CTNNA2: variants seen among roughly 807,000 people sequenced by gnomAD.
The protein encoded by CTNNA2 is catenin alpha-2.
A neutral mutation model predicts 101.0 loss-of-function variants in CTNNA2; 42 were observed. The observed-to-expected ratio is 0.42, with a 90% CI of 0.32 to 0.54. The LOEUF (loss-of-function observed/expected upper bound fraction) is 0.54. CTNNA2 is among the 20% of genes least tolerant of loss of function. CTNNA2 has a pLI of 0.14. For synonymous variants in CTNNA2, 450 were observed against 456.4 expected (o/e 0.99, Z 0.18); for missense variants, 871 against 1,223.1 (o/e 0.71, Z 4.29).
At chr2:79,742,374 TC>T (rs1671349381) in intron 2 of CTNNA2, among the ~76,000 whole-genome samples, 1 of 152,116 alleles carries the variant, frequency 6.6e-6, no homozygotes, top group African/African-American at 2.4e-5. Context: ...TTATGAAACA[TC>T]TTAGAATTAT....
intron 9 of CTNNA2, among the ~76,000 whole-genome samples, chr2:80,433,620 A>ACAGCTCTTCCTGATG (rs1367280851): frequency 6.6e-6 from 1 of 152,084 alleles, no homozygotes; most frequent in African/African-American, 2.4e-5. Context: ...GCCTCTGCTC[A>ACAGCTCTTCCTGATG]CAGCTCTTCC....
At chr2:80,079,608 T>C (rs1698986435) in intron 7 of CTNNA2, among the ~76,000 whole-genome samples, 2 of 151,882 alleles carry the variant, frequency 1.3e-5, no homozygotes, top group Admixed American at 1.3e-4. Flanking sequence ...GGTCAGGAAA[T>C]GGAGCCCATC....
At chr2:80,060,536 G>T (rs761253960) in intron 7 of CTNNA2, among the ~76,000 whole-genome samples, 2 of 152,148 alleles carry the variant, frequency 1.3e-5, no homozygotes, top group Non-Finnish European at 2.9e-5. Context: ...GGCTCCTCGC[G>T]TGCCTACCTC....
Position 80,419,528 on chromosome 2 carries a change from C to T in CTNNA2, c.1217C>T (p.Ala406Val), listed in dbSNP as rs376103479. ...CCTTTGCTAGTTCTCATTGAGGCTG[C>T]AAAGAGCGGAAATGAAAAGGAAGTG... ...NVPLLVLIEA[A>V]KSGNEKEVKE... The change falls in exon 9 of 19, where the codon GCA becomes GTA. Residue 406 changes from alanine (A) to valine (V), a missense_variant. Physicochemically the swap from Ala to Val is moderately conservative, Grantham distance 64 (BLOSUM62 0). Transcript: ENST00000402739. The T allele has an allele frequency of 5.0e-6, 8 of 1,613,712 alleles. No homozygotes were observed. Among genetic ancestry groups the T allele is most frequent in the Non-Finnish European group, 5.9e-6 (7 of 1,179,802 alleles).
At chr2:79,437,320 C>T (rs945264268) in intron 4 of CTNNA2, among the ~76,000 whole-genome samples, 5 of 152,172 alleles carry the variant, frequency 3.3e-5, no homozygotes. Context: ...CTGTAAGTTG[C>T]ACACAATTCA....
chr2:79,267,923 A>C (rs527300355), intron 2 of CTNNA2, among the ~76,000 whole-genome samples: 107 of 152,240 alleles, frequency 7.0e-4, no homozygotes, highest in African/African-American at 2.1e-3. Context: ...TCCTTGACAG[A>C]ATATAGTGGA....
intron 7 of CTNNA2, among the ~76,000 whole-genome samples, chr2:80,063,297 C>T (rs1264344357): frequency 6.6e-6 from 1 of 152,120 alleles, no homozygotes; most frequent in Non-Finnish European, 1.5e-5. Flanking sequence ...TCAATGTTTT[C>T]CATATTGCCT....
At chr2:80,090,090 A>G (rs1573041958) in intron 7 of CTNNA2, among the ~76,000 whole-genome samples, 1 of 151,928 alleles carries the variant, frequency 6.6e-6, no homozygotes, top group African/African-American at 2.4e-5. Flanking sequence ...AAGTTAAAGT[A>G]TAGAGATGGT....
At chr2:79,954,205 A>G (rs1231704242) in intron 7 of CTNNA2, among the ~76,000 whole-genome samples, 1 of 152,200 alleles carries the variant, frequency 6.6e-6, no homozygotes, top group Non-Finnish European at 1.5e-5. Context: ...TCATGAGAAC[A>G]GCATGGGGGA....
intron 7 of CTNNA2, among the ~76,000 whole-genome samples, chr2:79,969,590 A>G (rs912465605): frequency 6.6e-6 from 1 of 152,202 alleles, no homozygotes; most frequent in Non-Finnish European, 1.5e-5. Context: ...ACAGAAGTAA[A>G]CTACCTGTAT....
intron 2 of CTNNA2, among the ~76,000 whole-genome samples, chr2:79,741,740 T>G (rs912124545): frequency 1.3e-5 from 2 of 152,310 alleles, no homozygotes; most frequent in Admixed American, 6.5e-5. Context: ...TGGACTTGTT[T>G]GTCTTTCAAT....
At chr2:79,468,457 T>C (rs1376741233) in intron 4 of CTNNA2, among the ~76,000 whole-genome samples, 2 of 152,070 alleles carry the variant, frequency 1.3e-5, no homozygotes, top group Non-Finnish European at 2.9e-5. Context: ...ACTGTCAACA[T>C]TAGACAGATC....
At chr2:79,992,881 C>T (rs1237521905) in intron 7 of CTNNA2, among the ~76,000 whole-genome samples, 1 of 152,168 alleles carries the variant, frequency 6.6e-6, no homozygotes, top group Non-Finnish European at 1.5e-5. Flanking sequence ...GAAAGTAGGA[C>T]TATAACCAAA....
At chr2:79,220,274 T>C (rs1162671666) in intron 2 of CTNNA2, among the ~76,000 whole-genome samples, 1 of 152,162 alleles carries the variant, frequency 6.6e-6, no homozygotes, top group Non-Finnish European at 1.5e-5. Context: ...AGATCTCTTA[T>C]TCCAACTAAG....
At chr2:80,226,817 C>T (rs1708914516) in intron 7 of CTNNA2, among the ~76,000 whole-genome samples, 1 of 152,062 alleles carries the variant, frequency 6.6e-6, no homozygotes, top group Non-Finnish European at 1.5e-5. Context: ...TCTCATATCC[C>T]ATCTCACACC....
intron 3 of CTNNA2, among the ~76,000 whole-genome samples, chr2:79,360,778 A>T (rs1677610122): frequency 1.3e-5 from 2 of 152,192 alleles, no homozygotes; most frequent in South Asian, 4.1e-4. Context: ...TTGTCCAATC[A>T]TAGCAAATGT....
At chr2:79,393,915 G>A (rs1191026651) in intron 4 of CTNNA2, among the ~76,000 whole-genome samples, 2 of 152,090 alleles carry the variant, frequency 1.3e-5, no homozygotes, top group Admixed American at 1.3e-4. Context: ...TCCCTGCTCA[G>A]GGTCATTTAG....
At chr2:79,351,788 A>G (rs1004493811) in intron 3 of CTNNA2, among the ~76,000 whole-genome samples, 28 of 152,202 alleles carry the variant, frequency 1.8e-4, no homozygotes, top group African/African-American at 6.5e-4. Flanking sequence ...GTGGCTGTGT[A>G]GTATTTCATG....
intron 7 of CTNNA2, among the ~76,000 whole-genome samples, chr2:79,946,565 A>G (rs10172412): frequency 0.37 from 55,507 of 151,978 alleles, 10,420 homozygotes; most frequent in African/African-American, 0.41. Context: ...ACACAGCAAA[A>G]TTTCAATTAG....
Sources: allele counts gnomAD v4.1 joint callset (sites outside exome capture counted in the v4.1 genomes callset), GRCh38; gene constraint gnomAD v4.1.1; transcripts MANE v1.5; gene names NCBI Gene and HGNC (gene_info 2026-07-23, HGNC 2026-07-21).